SPRED1: variants seen among roughly 807,000 people sequenced by gnomAD.
The protein encoded by SPRED1 is sprouty-related, EVH1 domain-containing protein 1.
SPRED1 carries 18 observed loss-of-function variants against 52.3 expected under a neutral mutation model. The ratio of observed to expected loss-of-function variants is 0.34; its 90% confidence interval spans 0.24 to 0.51. SPRED1 has a LOEUF of 0.51. Ranked by LOEUF, SPRED1 falls within the 20% of genes least tolerant of loss-of-function variation. The pLI is 0.97. For missense variants in SPRED1, 485 were observed against 551.0 expected, an observed-to-expected ratio of 0.88 and a Z score of 1.20; for synonymous variants, 155 against 179.7, an observed-to-expected ratio of 0.86 and a Z score of 1.10.
chr15:38,271,224 G>A (rs1286040192), intron 1 of SPRED1, among the ~76,000 whole-genome samples: 1 of 152,190 alleles, frequency 6.6e-6, no homozygotes, highest in Non-Finnish European at 1.5e-5. Context: ...ACCTGTTTCA[G>A]TAAGGAAATG....
At chr15:38,294,989 G>A (rs1895003331) in intron 1 of SPRED1, among the ~76,000 whole-genome samples, 1 of 152,124 alleles carries the variant, frequency 6.6e-6, no homozygotes, top group South Asian at 2.1e-4. Context: ...CAGATTTATT[G>A]GCTCTATGAA....
At position 38,261,428 on chromosome 15, in the gene SPRED1, T is replaced by C. The variant is rs889571072; in HGVS notation, c.32+8211T>C. ...TCTGAATTACCTTGCAAGGCATTTC[T>C]TTCTGTGTTTGGAGAGCAAAGAATA... On this transcript the variant is annotated intron_variant, in intron 1 of 6. Coordinates refer to ENST00000299084, the MANE Select transcript of SPRED1 (RefSeq NM_152594.3). 2.1e-4 allele frequency among the ~76,000 whole-genome samples: 32 copies of C among 152,252 alleles called. 1 individual carries two copies. Among genetic ancestry groups the C allele is most frequent in the Admixed American group, 2.1e-3 (32 of 15,280 alleles).
At chr15:38,296,184 A>G (rs1895036001) in intron 1 of SPRED1, among the ~76,000 whole-genome samples, 1 of 152,144 alleles carries the variant, frequency 6.6e-6, no homozygotes. Context: ...GGTGGGGTAT[A>G]TAATAGGCTT....
intron 1 of SPRED1, among the ~76,000 whole-genome samples, chr15:38,283,131 C>T (rs1185282961): frequency 6.6e-6 from 1 of 152,080 alleles, no homozygotes; most frequent in African/African-American, 2.4e-5. Context: ...GGCTAGGAGG[C>T]CACGGGAAAC....
At chr15:38,343,410 C>T (rs927016820) in intron 5 of SPRED1, among the ~76,000 whole-genome samples, 3 of 152,018 alleles carry the variant, frequency 2.0e-5, no homozygotes, top group African/African-American at 7.2e-5. Context: ...AAAGGCACAA[C>T]GGAGACTGTA....
At chr15:38,289,395 T>C (rs1353955704) in intron 1 of SPRED1, among the ~76,000 whole-genome samples, 1 of 150,310 alleles carries the variant, frequency 6.7e-6, no homozygotes, top group African/African-American at 2.5e-5. Context: ...TTGGAGTTAC[T>C]TTTAAGGAAG....
intron 2 of SPRED1, among the ~76,000 whole-genome samples, chr15:38,302,795 T>C (rs1025327604): frequency 6.6e-6 from 1 of 152,182 alleles, no homozygotes; most frequent in Non-Finnish European, 1.5e-5. Context: ...GTTGGTGTTG[T>C]AGCCTAAGAA....
intron 2 of SPRED1, among the ~76,000 whole-genome samples, chr15:38,305,987 T>A (rs947747064): frequency 2.6e-5 from 4 of 152,102 alleles, no homozygotes; most frequent in Admixed American, 1.3e-4. Flanking sequence ...ATAAGGCTAC[T>A]ATTTTTTTTT....
At position 38,339,874 on chromosome 15, in the gene SPRED1, C is replaced by T. The variant is rs201335683; in HGVS notation, c.561C>T (p.Tyr187=). The change falls in exon 5 of 7, where the codon TAC becomes TAT. Residue 187 remains tyrosine (Y), a synonymous_variant. Transcript: ENST00000299084. ...AAGATCTGAATGCCAGAAGAGTCTA[C>T]ATGCAAAGCCAAGCCAATCAGGTAA... ...PFEDLNARRV[Y]MQSQANQITF... The T allele has an allele frequency of 1.2e-6, 2 of 1,613,870 alleles. No homozygotes were observed. Among genetic ancestry groups the T allele is most frequent in the East Asian group, 2.2e-5 (1 of 44,820 alleles).
chr15:38,305,087 G>A (rs1895225339), intron 2 of SPRED1, among the ~76,000 whole-genome samples: 1 of 152,084 alleles, frequency 6.6e-6, no homozygotes, highest in African/African-American at 2.4e-5. Context: ...CCAGCACTTT[G>A]GGAGGCCAAG....
intron 4 of SPRED1, among the ~76,000 whole-genome samples, chr15:38,336,641 A>G (rs1317927669): frequency 2.0e-5 from 3 of 151,620 alleles, no homozygotes; most frequent in East Asian, 1.9e-4. Flanking sequence ...AGCAACCTGG[A>G]TGGAATTGGA....
intron 2 of SPRED1, among the ~76,000 whole-genome samples, chr15:38,318,639 A>G (rs1382137162): frequency 6.6e-6 from 1 of 152,030 alleles, no homozygotes; most frequent in Admixed American, 6.6e-5. Flanking sequence ...CTTTGTGTCT[A>G]TGAGTATTCA....
chr15:38,272,243 C>G (rs549950069), intron 1 of SPRED1, among the ~76,000 whole-genome samples: 3 of 148,538 alleles, frequency 2.0e-5, no homozygotes, highest in African/African-American at 7.4e-5. Context: ...AGGATATATA[C>G]CCAATAATGA....
At chr15:38,270,728 G>A (rs1894414872) in intron 1 of SPRED1, among the ~76,000 whole-genome samples, 1 of 152,102 alleles carries the variant, frequency 6.6e-6, no homozygotes, top group Admixed American at 6.5e-5. Flanking sequence ...GGGACACAGA[G>A]CCAAACCAAA....
At chr15:38,337,229 A>G (rs767336704) in intron 4 of SPRED1, among the ~76,000 whole-genome samples, 1 of 152,206 alleles carries the variant, frequency 6.6e-6, no homozygotes, top group African/African-American at 2.4e-5. Context: ...TGTAAATTTA[A>G]TATGCATTTA....
At chr15:38,341,474 T>C (rs1343744603) in intron 5 of SPRED1, among the ~76,000 whole-genome samples, 1 of 152,008 alleles carries the variant, frequency 6.6e-6, no homozygotes, top group African/African-American at 2.4e-5. Context: ...ATTTAAGTAC[T>C]CCTCTATCCA....
At chr15:38,309,421 G>A (rs1595739224) in intron 2 of SPRED1, among the ~76,000 whole-genome samples, 4 of 152,208 alleles carry the variant, frequency 2.6e-5, no homozygotes, top group Admixed American at 1.3e-4. Flanking sequence ...GATTACAGGC[G>A]TGAGCCACCG....
intron 1 of SPRED1, among the ~76,000 whole-genome samples, chr15:38,276,154 A>G (rs1300867327): frequency 1.3e-5 from 2 of 152,070 alleles, no homozygotes; most frequent in African/African-American, 4.8e-5. Flanking sequence ...CAGTGTGCCA[A>G]ACATTGCTGG....
intron 2 of SPRED1, among the ~76,000 whole-genome samples, chr15:38,302,426 G>A (rs1188363014): frequency 1.3e-5 from 2 of 151,284 alleles, no homozygotes; most frequent in Non-Finnish European, 2.9e-5. Context: ...ATTTTTTTAA[G>A]AAAGGGGGCA....
Sources: allele counts gnomAD v4.1 joint callset (sites outside exome capture counted in the v4.1 genomes callset), GRCh38; gene constraint gnomAD v4.1.1; transcripts MANE v1.5; gene names NCBI Gene and HGNC (gene_info 2026-07-23, HGNC 2026-07-21).